The following PHLPP1 variants were observed in gnomAD, a reference collection of about 807,000 sequenced individuals.
PHLPP1 encodes the protein PH domain and leucine rich repeat protein phosphatase 1, also known as PH domain leucine-rich repeat-containing protein phosphatase 1.
In PHLPP1, 42 loss-of-function variants were observed where a neutral mutation model predicts 117.2. That is an observed-to-expected ratio of 0.36 (90% CI 0.28 to 0.46). The LOEUF is 0.46. Among genes scored for constraint, PHLPP1 ranks in the 20% least tolerant of loss-of-function variants. The probability of loss-of-function intolerance (pLI) is 1.00; values close to 1 mark genes in which losing one functional copy is unlikely to be tolerated. For missense variants in PHLPP1, 2,084 were observed against 2,241.9 expected, an observed-to-expected ratio of 0.93 and a Z score of 1.42; for synonymous variants, 1,042 against 970.7, an observed-to-expected ratio of 1.07 and a Z score of -1.37.
chr18:62,828,418 C>T (rs1300565392), intron 1 of PHLPP1, among the ~76,000 whole-genome samples: 1 of 152,144 alleles, frequency 6.6e-6, no homozygotes, highest in East Asian at 1.9e-4. Flanking sequence ...CAATATGGTA[C>T]CTTTCCAGTG....
intron 1 of PHLPP1, among the ~76,000 whole-genome samples, chr18:62,813,602 A>G (rs542257439): frequency 1.3e-5 from 2 of 152,362 alleles, no homozygotes; most frequent in Admixed American, 6.5e-5. Flanking sequence ...TAGTTATGTT[A>G]GTAACATAAT....
At chr18:62,921,406 T>C (rs949264191) in intron 10 of PHLPP1, among the ~76,000 whole-genome samples, 3 of 152,240 alleles carry the variant, frequency 2.0e-5, no homozygotes, top group African/African-American at 7.2e-5. Context: ...GAAATGGCCG[T>C]CTGCGATCTC....
intron 3 of PHLPP1, chr18:62,843,015 G>T (rs745701957): frequency 2.0e-5 from 3 of 152,220 alleles, no homozygotes; most frequent in Admixed American, 6.5e-5. Context: ...AAGGATGATT[G>T]TTACAAGCTC....
chr18:62,954,437 A>G (rs549187295), intron 12 of PHLPP1, among the ~76,000 whole-genome samples: 12 of 152,268 alleles, frequency 7.9e-5, no homozygotes, highest in South Asian at 4.2e-4. Flanking sequence ...AATATTTTCT[A>G]TTTGCTTAGT....
At chr18:62,879,515 G>C (rs753916791) in intron 4 of PHLPP1, among the ~76,000 whole-genome samples, 1 of 151,970 alleles carries the variant, frequency 6.6e-6, no homozygotes, top group Non-Finnish European at 1.5e-5. Flanking sequence ...GGGTTCAAGC[G>C]ATTCTCCCAC....
intron 1 of PHLPP1, among the ~76,000 whole-genome samples, chr18:62,736,609 G>A (rs1911375498): frequency 6.6e-6 from 1 of 152,192 alleles, no homozygotes; most frequent in African/African-American, 2.4e-5. Flanking sequence ...GCACTACTTA[G>A]GAGTTGGCGA....
At position 62,777,449 on chromosome 18, in the gene PHLPP1, G is replaced by A. The variant is rs376728991; in HGVS notation, c.1577-52586G>A. Among the ~76,000 whole-genome samples the A allele has an allele frequency of 1.6e-4, 24 of 151,150 alleles. 1 individual carries two copies. The South Asian group carries it at 5.0e-3, about 31-fold the overall frequency. ...ATTAGTCCTTGTTAGGTATATGTAT[G>A]TATTGAAAAATATTTTATCCTATTC... On this transcript the variant is annotated intron_variant, in intron 1 of 16. Transcript: ENST00000262719.
In PHLPP1 at chr18:62,972,580, T is replaced by C. The variant is rs751250216; in HGVS notation, c.3627T>C (p.Phe1209=). 4 of 1,613,906 alleles carry C rather than the reference T, an allele frequency of 2.5e-6. No individual in the cohort carries two copies. Among genetic ancestry groups the C allele is most frequent in the Non-Finnish European group, 3.4e-6 (4 of 1,179,894 alleles). The change falls in exon 15 of 17, where the codon TTT becomes TTC. Residue 1209 remains phenylalanine, a synonymous_variant. Transcript: ENST00000262719. ...CDNREALYGV[F]DGDRNVEVPY... ...ACCGCGAAGCCCTGTATGGTGTGTT[T>C]GACGGAGACCGGAATGTGGAGGTGC... is the stretch of plus-strand genomic sequence containing the variant.
intron 1 of PHLPP1, among the ~76,000 whole-genome samples, chr18:62,786,681 C>T (rs903252838): frequency 2.6e-5 from 4 of 152,164 alleles, no homozygotes; most frequent in African/African-American, 9.7e-5. Flanking sequence ...TTTGTATCTA[C>T]ACTTAAAGGC....
In PHLPP1 at chr18:62,716,873, C is replaced by G. The variant is rs1223744918; in HGVS notation, c.1190C>G (p.Pro397Arg). 7 of 1,524,020 alleles carry G rather than the reference C, an allele frequency of 4.6e-6. No homozygotes were observed. Among genetic ancestry groups the G allele is most frequent in the Admixed American group, 2.0e-5 (1 of 49,908 alleles). The allele number at this position is 1,524,020 out of a possible 1,614,324, so 94.4% of individuals were successfully genotyped here. Residue 397 changes from proline (P) to arginine (R), a missense_variant, in exon 1 of 17, where the codon CCC becomes CGC. By Grantham distance (103) the Pro-to-Arg change is moderately radical. Coordinates refer to ENST00000262719, the MANE Select transcript of PHLPP1 (RefSeq NM_194449.4). This position sits in a 1 kb window ranked among gnomAD's most constrained non-coding sequence, Gnocchi z 5.7. ...GGGGTCCCGGGCCAGCCCCGCCGTC[C>G]CGGCCACCCCGCGCAGCCCCTCCCG... ...PTGVPGQPRR[P>R]GHPAQPLPLP...
chr18:62,901,084 T>C (rs561889959), intron 6 of PHLPP1, among the ~76,000 whole-genome samples: 146 of 152,306 alleles, frequency 9.6e-4, no homozygotes, highest in African/African-American at 3.3e-3. Context: ...TTGTTATAGA[T>C]TTTTTTGTCT....
intron 10 of PHLPP1, among the ~76,000 whole-genome samples, chr18:62,925,844 C>T (rs1909613319): frequency 6.6e-6 from 1 of 152,064 alleles, no homozygotes; most frequent in Non-Finnish European, 1.5e-5. Context: ...AGGTCTTCTC[C>T]CTTCGATTTT....
At chr18:62,934,292 T>C (rs530729842) in intron 10 of PHLPP1, among the ~76,000 whole-genome samples, 58 of 152,268 alleles carry the variant, frequency 3.8e-4, no homozygotes, top group African/African-American at 1.3e-3. Flanking sequence ...TGCAACACTA[T>C]TCACAATAGC....
chr18:62,929,412 G>A (rs1007101880), intron 10 of PHLPP1, among the ~76,000 whole-genome samples: 9 of 152,128 alleles, frequency 5.9e-5, no homozygotes, highest in Admixed American at 5.9e-4. Context: ...TAGGTGCTCA[G>A]TAGCCACATG....
intron 1 of PHLPP1, among the ~76,000 whole-genome samples, chr18:62,743,071 T>G (rs1911576425): frequency 6.6e-6 from 1 of 150,892 alleles, no homozygotes; most frequent in Non-Finnish European, 1.5e-5. Context: ...TGCTTAGGAT[T>G]TTTTTTTTAC....
At chr18:62,937,608 C>T (rs1484893012) in intron 10 of PHLPP1, among the ~76,000 whole-genome samples, 1 of 152,190 alleles carries the variant, frequency 6.6e-6, no homozygotes, top group Non-Finnish European at 1.5e-5. Context: ...GTCTCTGCCA[C>T]TAGTTACTAT....
intron 9 of PHLPP1, among the ~76,000 whole-genome samples, chr18:62,918,370 T>A (rs1909362909): frequency 1.3e-5 from 2 of 150,398 alleles, no homozygotes; most frequent in Admixed American, 1.3e-4. Context: ...TCTTTTTTAT[T>A]TGGAAAAATA....
At chr18:62,895,208 C>A in intron 5 of PHLPP1, 51 bp downstream of exon 5, 2 of 1,579,222 alleles carry the variant, frequency 1.3e-6, no homozygotes, top group Non-Finnish European at 1.7e-6. Flanking sequence ...CCCAGGGAAG[C>A]TGCATTGGGG....
intron 11 of PHLPP1, among the ~76,000 whole-genome samples, chr18:62,944,607 A>C (rs1184381461): frequency 6.6e-6 from 1 of 152,170 alleles, no homozygotes; most frequent in Non-Finnish European, 1.5e-5. Flanking sequence ...TGTATTCATC[A>C]GTGATGTCAG....
Sources: allele counts gnomAD v4.1 joint callset (sites outside exome capture counted in the v4.1 genomes callset), GRCh38; gene constraint gnomAD v4.1.1; non-coding constraint Gnocchi (gnomAD v3.1); transcripts MANE v1.5; gene names NCBI Gene and HGNC (gene_info 2026-07-23, HGNC 2026-07-21).